UGGT2: variants seen among roughly 807,000 people sequenced by gnomAD.
UGGT2 encodes the protein UDP-glucose:glycoprotein glucosyltransferase 2.
A neutral mutation model predicts 192.1 loss-of-function variants in UGGT2; 180 were observed. That is an observed-to-expected ratio of 0.94 (90% CI 0.83 to 1.06). The LOEUF is 1.06. Among genes scored for constraint, UGGT2 ranks in the 50% least tolerant of loss-of-function variants. UGGT2 has a pLI of 0.00. For missense variants in UGGT2, 1,849 were observed against 1,795.7 expected, an observed-to-expected ratio of 1.03 and a Z score of -0.54; for synonymous variants, 580 against 591.0, an observed-to-expected ratio of 0.98 and a Z score of 0.27.
intron 31 of UGGT2, 63 bp from the exon 32 acceptor site, chr13:95,860,946 T>C (rs929885105): frequency 3.8e-5 from 34 of 896,198 alleles, no homozygotes; most frequent in Non-Finnish European, 5.4e-5. Context: ...TATGCCTAAA[T>C]AGTAAATATA....
At chr13:95,987,023 C>T (rs2051309985) in intron 8 of UGGT2, among the ~76,000 whole-genome samples, 1 of 152,106 alleles carries the variant, frequency 6.6e-6, no homozygotes, top group Non-Finnish European at 1.5e-5. Flanking sequence ...TGTCAAGAGT[C>T]AGAAAAGATT....
chr13:95,989,692 G>C (rs140982930), intron 8 of UGGT2: 1 of 253,418 alleles, frequency 3.9e-6, no homozygotes, highest in East Asian at 8.8e-5. Flanking sequence ...CCACAAATGT[G>C]ATTTAATACT....
chr13:96,001,729 T>C (rs2051811712), intron 5 of UGGT2, among the ~76,000 whole-genome samples: 1 of 152,172 alleles, frequency 6.6e-6, no homozygotes, highest in Non-Finnish European at 1.5e-5. Flanking sequence ...GAAACAGATA[T>C]TTTATAGATA....
At chr13:95,840,054 T>C (rs1887701807) in intron 36 of UGGT2, among the ~76,000 whole-genome samples, 1 of 152,130 alleles carries the variant, frequency 6.6e-6, no homozygotes, top group African/African-American at 2.4e-5. Context: ...AAATCTCTGC[T>C]TAAAGACTTA....
At chr13:95,939,419 T>C (rs1219213083) in intron 16 of UGGT2, among the ~76,000 whole-genome samples, 1 of 151,882 alleles carries the variant, frequency 6.6e-6, no homozygotes, top group Non-Finnish European at 1.5e-5. Context: ...TATACATTAA[T>C]TTTTGGAATT....
At chr13:95,845,793 C>A (rs1888364666) in intron 36 of UGGT2, among the ~76,000 whole-genome samples, 1 of 150,862 alleles carries the variant, frequency 6.6e-6, no homozygotes, top group African/African-American at 2.4e-5. Context: ...CGCGGCCGGG[C>A]AGAGGCGCTC....
At chr13:95,958,875 C>T (rs976148168) in intron 12 of UGGT2, among the ~76,000 whole-genome samples, 1 of 152,178 alleles carries the variant, frequency 6.6e-6, no homozygotes, top group Non-Finnish European at 1.5e-5. Context: ...CAGCAGTCCA[C>T]GTTTCCACTA....
At chr13:96,042,263 G>C (rs890577210) in intron 1 of UGGT2, among the ~76,000 whole-genome samples, 2 of 152,044 alleles carry the variant, frequency 1.3e-5, no homozygotes, top group African/African-American at 2.4e-5. Context: ...GCTAGATCCA[G>C]AACAATCTCT....
At chr13:95,858,189 AG>A (rs1033881065) in intron 33 of UGGT2, among the ~76,000 whole-genome samples, 12 of 152,098 alleles carry the variant, frequency 7.9e-5, no homozygotes, top group African/African-American at 2.9e-4. Context: ...CTCAAAGAAA[AG>A]TATGGCCCTT....
rs1477441758 is a variant in UGGT2 at position 95,934,835 on chromosome 13, T to G, written c.1977+2089A>C. ...AAATTCTTTTTTATTTTTGTCTGAC[T>G]GGGTTAGTTCAATAACAGTGGGTGA... is the stretch of plus-strand genomic sequence containing the variant. On this transcript the variant is annotated intron_variant, in intron 17 of 38. Transcript: ENST00000376747. Among the ~76,000 whole-genome samples the G allele has an allele frequency of 2.6e-5, 4 of 152,308 alleles. No homozygotes were observed. In the South Asian group the frequency reaches 8.3e-4, roughly 32 times the overall value.
chr13:95,910,653 C>A (rs1380314244), intron 20 of UGGT2, among the ~76,000 whole-genome samples: 3 of 152,106 alleles, frequency 2.0e-5, no homozygotes, highest in Non-Finnish European at 4.4e-5. Context: ...GACTTTAACA[C>A]CCCACTGTCA....
chr13:96,012,922 T>C (rs2052209330), intron 5 of UGGT2, among the ~76,000 whole-genome samples: 1 of 151,964 alleles, frequency 6.6e-6, no homozygotes. Flanking sequence ...TGAAAAGTAG[T>C]CAGGTCTCAA....
At chr13:95,955,235 A>C (rs2140656683) in intron 12 of UGGT2, among the ~76,000 whole-genome samples, 1 of 152,232 alleles carries the variant, frequency 6.6e-6, no homozygotes, top group East Asian at 1.9e-4. Context: ...AATTACAAGA[A>C]TAGATCTCAG....
intron 27 of UGGT2, among the ~76,000 whole-genome samples, chr13:95,879,086 T>G (rs2047421084): frequency 6.6e-6 from 1 of 152,168 alleles, no homozygotes; most frequent in South Asian, 2.1e-4. Context: ...AAAAAGATTG[T>G]AGAGATCATG....
chr13:96,011,650 A>G (rs79580846), intron 5 of UGGT2, among the ~76,000 whole-genome samples: 7,891 of 152,158 alleles, frequency 0.052, 358 homozygotes, highest in East Asian at 0.15. Context: ...TTACCATACA[A>G]CTCAGCAATA....
intron 12 of UGGT2, among the ~76,000 whole-genome samples, chr13:95,966,523 T>C (rs2050584759): frequency 6.6e-6 from 1 of 152,060 alleles, no homozygotes; most frequent in African/African-American, 2.4e-5. Context: ...CAGCAATATA[T>C]TACATAATTC....
chr13:95,850,853 C>T (rs1888965501), intron 36 of UGGT2, among the ~76,000 whole-genome samples: 1 of 152,218 alleles, frequency 6.6e-6, no homozygotes, highest in Non-Finnish European at 1.5e-5. Context: ...TAGTTATCTA[C>T]TGACAAAGGA....
chr13:95,828,174 T>C (rs1030291406), intron 38 of UGGT2, among the ~76,000 whole-genome samples: 1 of 152,094 alleles, frequency 6.6e-6, no homozygotes, highest in Non-Finnish European at 1.5e-5. Context: ...TAAAGCAGTG[T>C]GTAGAGGGAA....
chr13:95,896,684 C>T (rs1231775807), intron 22 of UGGT2, among the ~76,000 whole-genome samples: 1 of 152,102 alleles, frequency 6.6e-6, no homozygotes, highest in African/African-American at 2.4e-5. Flanking sequence ...ACATTAAGCA[C>T]AGCATCAAAC....
Sources: gnomAD v4.1 joint callset for allele counts (sites outside exome capture counted in the v4.1 genomes callset) on GRCh38, gnomAD v4.1.1 for gene constraint, MANE v1.5 for transcripts, NCBI Gene and HGNC (gene_info 2026-07-23, HGNC 2026-07-21) for gene names.